CALCR: variants seen among roughly 807,000 people sequenced by gnomAD.
CALCR encodes calcitonin receptor.
Under a neutral mutation model 59.5 loss-of-function variants are expected in CALCR, and 47 were observed. That is an observed-to-expected ratio of 0.79 (90% CI 0.63 to 1.01). The LOEUF is 1.01. CALCR is among the 50% of genes least tolerant of loss of function. CALCR has a pLI of 0.00. For synonymous variants in CALCR, 213 were observed against 211.3 expected, an observed-to-expected ratio of 1.01 and a Z score of -0.07; for missense variants, 566 against 597.1, an observed-to-expected ratio of 0.95 and a Z score of 0.54.
At chr7:93,571,365 A>G (rs1023052134) in intron 2 of CALCR, among the ~76,000 whole-genome samples, 1 of 152,186 alleles carries the variant, frequency 6.6e-6, no homozygotes, top group Non-Finnish European at 1.5e-5. Flanking sequence ...TGCTTGGCAT[A>G]TAACAATAAA....
chr7:93,507,430 G>A (rs1264160731), intron 2 of CALCR, among the ~76,000 whole-genome samples: 1 of 152,034 alleles, frequency 6.6e-6, no homozygotes, highest in Non-Finnish European at 1.5e-5. Context: ...AAGGAGCCAG[G>A]ACAGAAAAGA....
At chr7:93,480,722 G>A (rs1235019786) in intron 3 of CALCR, among the ~76,000 whole-genome samples, 1 of 151,824 alleles carries the variant, frequency 6.6e-6, no homozygotes, top group Admixed American at 6.6e-5. Context: ...TTCAGAGTTT[G>A]GAGAGAGTAG....
chr7:93,521,682 G>C (rs2116091134), intron 2 of CALCR, among the ~76,000 whole-genome samples: 1 of 151,992 alleles, frequency 6.6e-6, no homozygotes, highest in East Asian at 1.9e-4. Context: ...CATTGCTAGG[G>C]ACTCTTTCCC....
chr7:93,456,514 C>A (rs1800211396), intron 8 of CALCR, among the ~76,000 whole-genome samples: 1 of 151,770 alleles, frequency 6.6e-6, no homozygotes, highest in African/African-American at 2.4e-5. Flanking sequence ...AAAGCTATTT[C>A]CATGTGAGAC....
At chr7:93,482,640 A>C (rs1376637910) in intron 3 of CALCR, 2 of 325,266 alleles carry the variant, frequency 6.1e-6, no homozygotes, top group African/African-American at 4.5e-5. Context: ...AACAAGTAGA[A>C]AACCCTATGC....
intron 5 of CALCR, among the ~76,000 whole-genome samples, chr7:93,473,821 A>G (rs966170995): frequency 2.0e-5 from 3 of 151,580 alleles, no homozygotes; most frequent in Admixed American, 6.6e-5. Flanking sequence ...CATCAGGCTT[A>G]TTATTTTTTC....
At chr7:93,462,975 G>A (rs151095026) in intron 7 of CALCR, among the ~76,000 whole-genome samples, 1 of 151,758 alleles carries the variant, frequency 6.6e-6, no homozygotes, top group East Asian at 1.9e-4. Context: ...AACACTCTCT[G>A]ACACATCATT....
At chr7:93,453,884 G>A (rs1447283888) in intron 8 of CALCR, among the ~76,000 whole-genome samples, 1 of 151,988 alleles carries the variant, frequency 6.6e-6, no homozygotes, top group Non-Finnish European at 1.5e-5. Flanking sequence ...ATGTGACCTT[G>A]GTTAAAAGAC....
intron 2 of CALCR, among the ~76,000 whole-genome samples, chr7:93,534,167 T>G (rs1788923578): frequency 6.6e-6 from 1 of 151,852 alleles, no homozygotes; most frequent in Admixed American, 6.6e-5. Context: ...TATCCGTGTA[T>G]CAAGTGTTTG....
intron 8 of CALCR, among the ~76,000 whole-genome samples, chr7:93,451,440 T>C (rs1800108159): frequency 6.6e-6 from 1 of 152,038 alleles, no homozygotes; most frequent in South Asian, 2.1e-4. Flanking sequence ...AGCATGTCCT[T>C]TTCTGCTCCC....
intron 8 of CALCR, among the ~76,000 whole-genome samples, chr7:93,451,530 C>T (rs1313098494): frequency 6.6e-6 from 1 of 151,896 alleles, no homozygotes; most frequent in Non-Finnish European, 1.5e-5. Context: ...CCCTCCATCC[C>T]AAACTGTATT....
intron 9 of CALCR, among the ~76,000 whole-genome samples, chr7:93,439,276 C>T (rs1799848732): frequency 6.6e-6 from 1 of 152,038 alleles, no homozygotes; most frequent in African/African-American, 2.4e-5. Flanking sequence ...TCAATAGGAC[C>T]ACAGATTTAA....
chr7:93,477,948 C>A (rs1800702224), intron 4 of CALCR, among the ~76,000 whole-genome samples: 1 of 81,762 alleles, frequency 1.2e-5, no homozygotes, highest in Non-Finnish European at 2.3e-5. Flanking sequence ...CCAAAGACTG[C>A]AAGACCCTCT....
At chr7:93,462,683 A>G (rs1416733472) in intron 7 of CALCR, among the ~76,000 whole-genome samples, 2 of 152,110 alleles carry the variant, frequency 1.3e-5, no homozygotes, top group East Asian at 3.9e-4. Flanking sequence ...CAGCAATGAT[A>G]TTCTTAAGCC....
intron 2 of CALCR, among the ~76,000 whole-genome samples, chr7:93,548,875 T>G (rs1789372749): frequency 1.3e-5 from 1 of 78,842 alleles, no homozygotes; most frequent in Non-Finnish European, 3.9e-5. Flanking sequence ...TGTGTGTGTG[T>G]GTGTCTGTGT....
At chr7:93,455,785 T>C (rs1800197739) in intron 8 of CALCR, among the ~76,000 whole-genome samples, 1 of 147,616 alleles carries the variant, frequency 6.8e-6, no homozygotes, top group South Asian at 2.1e-4. Flanking sequence ...TAATCTACTT[T>C]AATAATCTTT....
At chr7:93,522,718 T>C (rs1302168406) in intron 2 of CALCR, among the ~76,000 whole-genome samples, 1 of 152,198 alleles carries the variant, frequency 6.6e-6, no homozygotes. Context: ...AAGCCCAGCA[T>C]GCCATCTGTG....
At chr7:93,467,156 G>A (rs1800457112) in intron 7 of CALCR, among the ~76,000 whole-genome samples, 1 of 151,708 alleles carries the variant, frequency 6.6e-6, no homozygotes, top group African/African-American at 2.4e-5. Context: ...ATAATGAAGT[G>A]CAATTGAAAA....
At chr7:93,543,427 G>T (rs976155531) in intron 2 of CALCR, among the ~76,000 whole-genome samples, 1 of 152,140 alleles carries the variant, frequency 6.6e-6, no homozygotes, top group Admixed American at 6.6e-5. Context: ...TTACAGGCAT[G>T]AGTCACCGTG....
Sources: gnomAD v4.1 joint callset for allele counts (sites outside exome capture counted in the v4.1 genomes callset) on GRCh38, gnomAD v4.1.1 for gene constraint, MANE v1.5 for transcripts, NCBI Gene and HGNC (gene_info 2026-07-23, HGNC 2026-07-21) for gene names.